The following ITIH4 variants were observed in gnomAD, a reference collection of about 807,000 sequenced individuals.
The protein encoded by ITIH4 is inter-alpha-trypsin inhibitor heavy chain 4, also known as inter-alpha-trypsin inhibitor heavy chain H4.
A neutral mutation model predicts 111.8 loss-of-function variants in ITIH4; 79 were observed. The observed-to-expected ratio is 0.71, with a 90% CI of 0.59 to 0.85. The LOEUF (loss-of-function observed/expected upper bound fraction) is 0.85, where lower values mean the gene tolerates loss of function less well. ITIH4 is among the 40% of genes least tolerant of loss of function. ITIH4 has a pLI of 0.00. For synonymous variants in ITIH4, 472 were observed against 468.3 expected, an observed-to-expected ratio of 1.01 and a Z score of -0.10; for missense variants, 1,065 against 1,195.8, an observed-to-expected ratio of 0.89 and a Z score of 1.61.
At chr3:52,821,663 C>T (rs906878494) in intron 11 of ITIH4, among the ~76,000 whole-genome samples, 5 of 152,088 alleles carry the variant, frequency 3.3e-5, no homozygotes, top group Non-Finnish European at 5.9e-5. Context: ...TGCGGCTGGC[C>T]ACCGTGGGAC....
rs1578774220 is a variant in ITIH4 at position 52,819,578 on chromosome 3, G to T, written c.1952-60C>A. On this transcript the variant is annotated intron_variant, in intron 16 of 23. Transcript: ENST00000266041. ...GGTGGGGTGTGGGTCTTCACAGCCAGGGCTTGAGATCCACCCAGGAGTGGG... is the reference window on the plus strand; with the variant it reads ...GGTGGGGTGTGGGTCTTCACAGCCATGGCTTGAGATCCACCCAGGAGTGGG... 4.3e-6 allele frequency: 7 copies of T among 1,610,362 alleles called. No homozygotes were observed. The East Asian group carries it at 1.6e-4, about 36-fold the overall frequency.
In ITIH4 at chr3:52,825,949, G is replaced by A. The variant is rs1290637539; in HGVS notation, c.696C>T (p.Val232=). ...AGCGGATAATGAGGTTGCCGTCCAG[G>A]ACTGTTTCTTGCTGCTCTGGGGACT... ...QQKSPEQQET[V]LDGNLIIRYD... The change falls in exon 6 of 24, where the codon GTC becomes GTT. Residue 232 remains valine, a synonymous_variant. Coordinates refer to ENST00000266041, the MANE Select transcript of ITIH4 (RefSeq NM_002218.5). 1.9e-6 allele frequency: 3 copies of A among 1,614,162 alleles called. No homozygotes were observed. Among genetic ancestry groups the A allele is most frequent in the Non-Finnish European group, 2.5e-6 (3 of 1,180,014 alleles).
intron 1 of ITIH4, 115 bp from the exon 2 acceptor site, chr3:52,829,394 C>T: frequency 1.3e-5 from 14 of 1,110,750 alleles, no homozygotes; most frequent in Non-Finnish European, 1.8e-5. Context: ...GGCTCCCAAT[C>T]TGACTGAGCC....
At chr3:52,815,834 C>T (rs189806342) in intron 21 of ITIH4, among the ~76,000 whole-genome samples, 5 of 151,204 alleles carry the variant, frequency 3.3e-5, no homozygotes, top group African/African-American at 1.2e-4. Flanking sequence ...TACAGGTGCC[C>T]GCCACCATAC....
Position 52,824,386 on chromosome 3 carries a change from G to C in ITIH4, c.1045+11C>G, listed in dbSNP as rs779002640. On this transcript the variant is annotated intron_variant, in intron 8 of 23. Coordinates refer to ENST00000266041, the MANE Select transcript of ITIH4 (RefSeq NM_002218.5). The surrounding 1 kb of genome is among the most constrained non-coding windows in gnomAD (Gnocchi z 4.3). ...GAAGCCCCCACCCTGCAGGGCCACA[G>C]AGACACTTACCTCCCAGGGCCTGGA... The C allele has an allele frequency of 1.9e-6, 3 of 1,613,898 alleles. No homozygotes were observed. Among genetic ancestry groups the C allele is most frequent in the Non-Finnish European group, 2.5e-6 (3 of 1,179,838 alleles).
chr3:52,827,055 T>C (rs899574076), intron 3 of ITIH4, 38 bp downstream of exon 3: 5 of 1,611,472 alleles, frequency 3.1e-6, no homozygotes, highest in Admixed American at 3.3e-5. Context: ...GGCCTTTGTC[T>C]AGACCCTCCC....
chr3:52,830,445 G>A (rs1410057555), intron 1 of ITIH4, 108 bp downstream of exon 1: 2 of 1,061,886 alleles, frequency 1.9e-6, no homozygotes, highest in Non-Finnish European at 2.9e-6. Context: ...CACACACAGG[G>A]ATGCACACGC....
chr3:52,828,854 G>A (rs1195686832), intron 2 of ITIH4, among the ~76,000 whole-genome samples: 1 of 152,218 alleles, frequency 6.6e-6, no homozygotes, highest in Non-Finnish European at 1.5e-5. Flanking sequence ...CAAAGGCAAA[G>A]TCACAAAGAT....
Position 52,813,975 on chromosome 3 carries a change from C to T in ITIH4, c.2723G>A (p.Arg908Lys), listed in dbSNP as rs770594517. 18 of 1,611,184 alleles carry T rather than the reference C, an allele frequency of 1.1e-5. No homozygotes were observed. Among genetic ancestry groups the T allele is most frequent in the Middle Eastern group, 3.8e-4 (2 of 5,196 alleles). The change falls in exon 23 of 24, where the codon AGA becomes AAA. Residue 908 changes from arginine to lysine, a missense_variant and splice_region_variant. Coordinates refer to ENST00000266041, the MANE Select transcript of ITIH4 (RefSeq NM_002218.5). The part of the protein sequence containing the change: ...RVQGNDHSAT[R>K]ERRLDYQEGP... ...CAGCGGTCTGCTTGTGCCAAGTCAC[C>T]TGGTGGCAGAGTGGTCATTGCCCTG...
In ITIH4 at chr3:52,816,897, A is replaced by C; in HGVS notation, c.2458T>G (p.Ser820Ala). 1.9e-6 allele frequency: 3 copies of C among 1,613,664 alleles called. No individual in the cohort carries two copies. The highest frequency in any genetic ancestry group is 2.5e-6 in the Non-Finnish European group (3 of 1,179,792). The stretch of plus-strand genomic sequence containing the variant: ...CCTGGGCCTTACCCGGGCATCACTG[A>C]GAATAGCGTCTCCTTCCACTTGTAC... ...SAYKWKETLF[S>A]VMPGLKMTMD... Residue 820 changes from serine (S) to alanine (A), a missense_variant, in exon 21 of 24, where the codon TCA (serine) becomes GCA (alanine). By Grantham distance (99) the Ser-to-Ala change is moderately conservative. Coordinates refer to ENST00000266041, the MANE Select transcript of ITIH4 (RefSeq NM_002218.5).
chr3:52,814,010 C>T lies in ITIH4; in HGVS notation c.2688G>A (p.Thr896=), dbSNP rs532679730. Residue 896 remains threonine, a synonymous_variant, in exon 23 of 24, where the codon ACG becomes ACA. Transcript: ENST00000266041. ...SPAASDDGRR[T]LRVQGNDHSA... is the part of the protein sequence containing the mutation. ...AGTGGTCATTGCCCTGAACCCTCAG[C>T]GTGCGTCTGCCGTCATCTGATGCTG... 787 of 1,613,686 alleles carry T rather than the reference C, an allele frequency of 4.9e-4. 10 individuals carry two copies. In the South Asian group the frequency reaches 7.3e-3, roughly 15 times the overall value.
intron 1 of ITIH4, 200 bp downstream of exon 1, chr3:52,830,353 G>A (rs1013396070): frequency 1.0e-5 from 7 of 676,596 alleles, no homozygotes; most frequent in East Asian, 8.6e-5. Flanking sequence ...GGAAATGATT[G>A]GATCATCCCC....
chr3:52,829,421 G>GGTTCAGCCTGAGGC, intron 1 of ITIH4, 142 bp from the exon 2 acceptor site: 1 of 824,256 alleles, frequency 1.2e-6, no homozygotes, highest in Non-Finnish European at 1.9e-6. Flanking sequence ...CAGGCCTCAG[G>GGTTCAGCCTGAGGC]CTGAACCCAG....
chr3:52,813,697 C>T (rs1051494531), intron 23 of ITIH4, among the ~76,000 whole-genome samples: 1 of 152,222 alleles, frequency 6.6e-6, no homozygotes, highest in African/African-American at 2.4e-5. Context: ...GGTTTAGGCT[C>T]TGGGAGTTCA....
intron 17 of ITIH4, 167 bp downstream of exon 17, chr3:52,819,226 T>G: frequency 1.4e-6 from 1 of 719,532 alleles, no homozygotes; most frequent in Non-Finnish European, 2.3e-6. Flanking sequence ...CCAGCCCCAG[T>G]AAATGATCCC....
Position 52,829,103 on chromosome 3 carries a change from G to C in ITIH4, c.251+16C>G, listed in dbSNP as rs761268349. ...TGGGGGGTGTGGAGAGGGGAGGAGGGTGGGAAGGCACCTACATGGAGAAGT... is the reference window on the plus strand; with the variant it reads ...TGGGGGGTGTGGAGAGGGGAGGAGGCTGGGAAGGCACCTACATGGAGAAGT... On this transcript the variant is annotated intron_variant, in intron 2 of 23. Transcript: ENST00000266041. 6.3e-7 allele frequency: 1 copy of C among 1,593,242 alleles called. No homozygotes were observed. Among genetic ancestry groups the C allele is most frequent in the Non-Finnish European group, 8.6e-7 (1 of 1,165,112 alleles).
intron 21 of ITIH4, among the ~76,000 whole-genome samples, chr3:52,816,503 C>G (rs1237807944): frequency 2.0e-5 from 3 of 152,160 alleles, no homozygotes; most frequent in African/African-American, 7.2e-5. Flanking sequence ...GCAAAGTGCT[C>G]CCAACTACAC....
intron 12 of ITIH4, 84 bp downstream of exon 12, chr3:52,820,907 C>G (rs555872419): frequency 6.4e-5 from 99 of 1,556,222 alleles, no homozygotes; most frequent in Non-Finnish European, 8.2e-5. Flanking sequence ...GCCAAGACCC[C>G]CCTCTCTCCA....
At chr3:52,827,903 G>A (rs529557734) in intron 2 of ITIH4, among the ~76,000 whole-genome samples, 1 of 152,376 alleles carries the variant, frequency 6.6e-6, no homozygotes, top group East Asian at 1.9e-4. Flanking sequence ...TCCTTGTGGG[G>A]TGTGTAGGGA....
Sources: gnomAD v4.1 joint callset for allele counts (sites outside exome capture counted in the v4.1 genomes callset) on GRCh38, gnomAD v4.1.1 for gene constraint, Gnocchi (gnomAD v3.1) non-coding constraint, MANE v1.5 for transcripts, NCBI Gene and HGNC (gene_info 2026-07-23, HGNC 2026-07-21) for gene names.